The following PLOD2 variants were observed in gnomAD, a reference collection of about 807,000 sequenced individuals.
PLOD2 encodes the protein lysine hydroxylase 2.
In PLOD2, 65 loss-of-function variants were observed where a neutral mutation model predicts 101.0. That is an observed-to-expected ratio of 0.64 (90% CI 0.53 to 0.79). The LOEUF is 0.79. Among genes scored for constraint, PLOD2 ranks in the 30% least tolerant of loss-of-function variants. The probability of loss-of-function intolerance (pLI) is 0.00; values close to 1 mark genes in which losing one functional copy is unlikely to be tolerated. For missense variants in PLOD2, 909 were observed against 914.6 expected, an observed-to-expected ratio of 0.99 and a Z score of 0.08; for synonymous variants, 314 against 302.9, an observed-to-expected ratio of 1.04 and a Z score of -0.38.
At chr3:146,150,411 T>A (rs531256429) in intron 1 of PLOD2, among the ~76,000 whole-genome samples, 1 of 151,810 alleles carries the variant, frequency 6.6e-6, no homozygotes, top group African/African-American at 2.4e-5. Flanking sequence ...AAAAATGAGA[T>A]CATGTTTTTT....
rs186856193 is a variant in PLOD2, at chr3:146,076,649, A to C, written c.1677+133T>G. The C allele has an allele frequency of 1.1e-4, 63 of 596,356 alleles. No individual in the cohort carries two copies. The African/African-American group carries it at 1.1e-3, about 11-fold the overall frequency. The allele number at this position is 596,356 out of a possible 1,614,324, so 36.9% of individuals were successfully genotyped here. Reference sequence around the variant, plus strand: ...TCTGACTGGTGTGAGACAGTATCTCATTGTGGTTTTGATGTGCATTTCACC... The same window carrying C: ...TCTGACTGGTGTGAGACAGTATCTCCTTGTGGTTTTGATGTGCATTTCACC... On this transcript the variant is annotated intron_variant, in intron 15 of 19. Coordinates refer to ENST00000282903, the MANE Select transcript of PLOD2 (RefSeq NM_182943.3).
Position 146,070,671 on chromosome 3 carries a change from A to T in PLOD2, c.*46T>A. On this transcript the variant is annotated 3_prime_UTR_variant, in exon 20 of 20. Coordinates refer to ENST00000282903, the MANE Select transcript of PLOD2 (RefSeq NM_182943.3). The stretch of plus-strand genomic sequence containing the variant: ...ACAACTTCAAAGACGTGTTCATGCC[A>T]GTCATTCATCCAAAATAAATTTCAA... 1.5e-6 allele frequency: 2 copies of T among 1,307,376 alleles called. No individual in the cohort carries two copies. The highest frequency in any genetic ancestry group is 2.2e-6 in the Non-Finnish European group (2 of 905,628). 81.0% of individuals were successfully genotyped at this position (1,307,376 alleles called of 1,614,324 possible).
At chr3:146,128,880 CTTTTTTTTTTTTTTTTTTT>C (rs3975816) in intron 1 of PLOD2, among the ~76,000 whole-genome samples, 1 of 73,180 alleles carries the variant, frequency 1.4e-5, no homozygotes, top group South Asian at 7.6e-4. Flanking sequence ...ATCTGAAATC[CTTTTTTTTTTTTTTTTTTT>C]TTTTTTTTTT....
Position 146,130,420 on chromosome 3 carries a change from T to C in PLOD2, c.110-6191A>G, listed in dbSNP as rs982332786. Among the ~76,000 whole-genome samples, 7 of 152,318 alleles carry C rather than the reference T, an allele frequency of 4.6e-5. No individual in the cohort carries two copies. In the East Asian group the frequency reaches 1.3e-3, roughly 29 times the overall value. ...TCAAATTATGAATAATCTCAAATTA[T>C]GTGAGATTAAAGTCTCTCTCTCCAA... is the stretch of plus-strand genomic sequence containing the variant. On this transcript the variant is annotated intron_variant, in intron 1 of 19. Transcript: ENST00000282903.
At chr3:146,101,435 C>G (rs1937385570) in intron 7 of PLOD2, among the ~76,000 whole-genome samples, 1 of 152,120 alleles carries the variant, frequency 6.6e-6, no homozygotes, top group African/African-American at 2.4e-5. Context: ...ATAGACAAAG[C>G]AGCAGAGCAT....
Position 146,160,939 on chromosome 3 carries a change from G to T in PLOD2, c.51C>A (p.Leu17=). Residue 17 remains leucine, a synonymous_variant, in exon 1 of 20, where the codon CTC becomes CTA. Transcript: ENST00000282903. ...KPQLLLLALV[L]HPWNPCLGAD... is the part of the protein sequence containing the mutation. The stretch of plus-strand genomic sequence containing the variant: ...CACCCAGACAGGGATTCCAGGGGTG[G>T]AGGACGAGCGCCAGGAGCAGCAGCT... 6.2e-7 allele frequency: 1 copy of T among 1,600,922 alleles called. No homozygotes were observed. The highest frequency in any genetic ancestry group is 1.3e-5 in the African/African-American group (1 of 74,828).
At chr3:146,121,308 A>C in intron 2 of PLOD2, 60 bp from the exon 3 acceptor site, 3 of 1,447,606 alleles carry the variant, frequency 2.1e-6, no homozygotes, top group African/African-American at 1.4e-5. Flanking sequence ...AGTACTATGA[A>C]AAACTTAAAG....
intron 3 of PLOD2, among the ~76,000 whole-genome samples, chr3:146,113,787 AAAAGAACAGGAT>A (rs1376236729): frequency 1.3e-5 from 2 of 152,216 alleles, no homozygotes; most frequent in African/African-American, 4.8e-5. Context: ...GCACCTTGAA[AAAAGAACAGGAT>A]AACAGCGATG....
chr3:146,106,639 T>C lies in PLOD2; in HGVS notation c.508A>G (p.Ile170Val), dbSNP rs1245527389. 6.8e-7 allele frequency: 1 copy of C among 1,473,642 alleles called. No homozygotes were observed. Among genetic ancestry groups the C allele is most frequent in the South Asian group, 1.1e-5 (1 of 88,094 alleles). The allele number at this position is 1,473,642 out of a possible 1,614,324, so 91.3% of individuals were successfully genotyped here. The change falls in exon 5 of 20, where the codon ATT becomes GTT. Residue 170 changes from isoleucine to valine, a missense_variant. By Grantham distance (29) the Ile-to-Val change is conservative (BLOSUM62 3). Transcript: ENST00000282903. The part of the protein sequence containing the change: ...GKRYLNSGGF[I>V]GYAPYVNRIV... ...CGGTTGACATATGGAGCATAGCCAA[T>C]AAATCCTGCAACACAGCAGAGAGAA...
intron 3 of PLOD2, among the ~76,000 whole-genome samples, chr3:146,115,175 C>G (rs116299414): frequency 4.6e-5 from 7 of 152,130 alleles, no homozygotes; most frequent in Non-Finnish European, 8.8e-5. Flanking sequence ...AGGAAAGAAC[C>G]TACGTTGAAA....
chr3:146,086,112 T>C (rs1936756415), intron 10 of PLOD2: 1 of 152,208 alleles, frequency 6.6e-6, no homozygotes, highest in Non-Finnish European at 1.5e-5. Context: ...AGACCCCTAA[T>C]CTAGTCAGAA....
chr3:146,099,943 C>T (rs901054592), intron 7 of PLOD2, among the ~76,000 whole-genome samples: 4 of 143,494 alleles, frequency 2.8e-5, no homozygotes, highest in Non-Finnish European at 6.0e-5. Context: ...AGAGTAATGG[C>T]GTGATCTTGG....
At chr3:146,071,704 T>G (rs1256316160) in intron 17 of PLOD2, among the ~76,000 whole-genome samples, 1 of 151,730 alleles carries the variant, frequency 6.6e-6, no homozygotes, top group Non-Finnish European at 1.5e-5. Flanking sequence ...AAAATTGACT[T>G]CCTAAGCCCT....
chr3:146,133,343 A>T (rs1048079215), intron 1 of PLOD2, among the ~76,000 whole-genome samples: 6 of 152,200 alleles, frequency 3.9e-5, no homozygotes, highest in African/African-American at 1.4e-4. Flanking sequence ...CATTCTCACA[A>T]TCTCAAAAGT....
chr3:146,072,608 C>T lies in PLOD2; in HGVS notation c.1801G>A (p.Val601Ile), dbSNP rs993311161. The change falls in exon 17 of 20, where the codon GTA (valine) becomes ATA (isoleucine). Residue 601 changes from valine to isoleucine, a missense_variant. Transcript: ENST00000282903. ...TTGCCGTAATGTTCCATTTCTTCTACCAATTCATCACAGGCTTTTTCAGAA... is the reference window on the plus strand; with the variant it reads ...TTGCCGTAATGTTCCATTTCTTCTATCAATTCATCACAGGCTTTTTCAGAA... ...IFSEKACDEL[V>I]EEMEHYGKWS... 1.2e-6 allele frequency: 2 copies of T among 1,610,866 alleles called. No homozygotes were observed. The highest frequency in any genetic ancestry group is 1.7e-6 in the Non-Finnish European group (2 of 1,177,760).
At chr3:146,154,648 C>T (rs576246980) in intron 1 of PLOD2, among the ~76,000 whole-genome samples, 2 of 152,238 alleles carry the variant, frequency 1.3e-5, no homozygotes, top group Admixed American at 1.3e-4. Flanking sequence ...CATATTTCCA[C>T]ACTAACAAAT....
At chr3:146,158,987 ACT>A (rs1160680991) in intron 1 of PLOD2, among the ~76,000 whole-genome samples, 22 of 152,192 alleles carry the variant, frequency 1.4e-4, no homozygotes, top group Non-Finnish European at 7.3e-5. Flanking sequence ...TTCAGTTGAA[ACT>A]TGTAAAGAAT....
chr3:146,134,618 C>T (rs993977679), intron 1 of PLOD2, among the ~76,000 whole-genome samples: 3 of 152,150 alleles, frequency 2.0e-5, no homozygotes, highest in Non-Finnish European at 4.4e-5. Context: ...CACATATGAT[C>T]TGTTACTGTT....
intron 7 of PLOD2, among the ~76,000 whole-genome samples, chr3:146,097,803 A>AT (rs1553733435): frequency 0.015 from 2,125 of 142,088 alleles, 25 homozygotes; most frequent in Non-Finnish European, 0.024. Flanking sequence ...AATAAAAAAA[A>AT]AATAATAATA....
Sources: gnomAD v4.1 joint callset for allele counts (sites outside exome capture counted in the v4.1 genomes callset) on GRCh38, gnomAD v4.1.1 for gene constraint, MANE v1.5 for transcripts, NCBI Gene and HGNC (gene_info 2026-07-23, HGNC 2026-07-21) for gene names.